MEI4: variants seen among roughly 807,000 people sequenced by gnomAD.
MEI4 encodes meiotic double-stranded break formation protein 4.
MEI4 carries 27 observed loss-of-function variants against 31.4 expected under a neutral mutation model. That is an observed-to-expected ratio of 0.86 (90% CI 0.63 to 1.19). The LOEUF (loss-of-function observed/expected upper bound fraction) is 1.19, where lower values mean the gene tolerates loss of function less well. Among genes scored for constraint, MEI4 ranks in the 50% most tolerant of loss-of-function variants. The probability of loss-of-function intolerance (pLI) is 0.00; values close to 1 mark genes in which losing one functional copy is unlikely to be tolerated. For synonymous variants in MEI4, 122 were observed against 145.4 expected (o/e 0.84, Z 1.16); for missense variants, 329 against 398.9 (o/e 0.82, Z 1.49).
chr6:77,775,804 G>T (rs970175558), intron 3 of MEI4, among the ~76,000 whole-genome samples: 3 of 152,030 alleles, frequency 2.0e-5, no homozygotes, highest in African/African-American at 7.2e-5. Context: ...ACTAGTTTCC[G>T]TTCCCACCAG....
chr6:77,767,155 G>A (rs1768196667), intron 3 of MEI4, among the ~76,000 whole-genome samples: 1 of 152,080 alleles, frequency 6.6e-6, no homozygotes, highest in Non-Finnish European at 1.5e-5. Context: ...GCCTAGGCAG[G>A]TGGATCATGA....
chr6:77,854,647 A>G (rs1295356190), intron 4 of MEI4, among the ~76,000 whole-genome samples: 1 of 152,164 alleles, frequency 6.6e-6, no homozygotes, highest in Non-Finnish European at 1.5e-5. Flanking sequence ...TGTAGACACC[A>G]TTTGTGTCTG....
chr6:77,905,988 T>C (rs1766288172), intron 4 of MEI4, among the ~76,000 whole-genome samples: 1 of 152,014 alleles, frequency 6.6e-6, no homozygotes, highest in Non-Finnish European at 1.5e-5. Flanking sequence ...ATTGAAAATA[T>C]TGTTTTTTAT....
chr6:77,920,315 T>C (rs1332010164), intron 4 of MEI4, among the ~76,000 whole-genome samples: 2 of 152,082 alleles, frequency 1.3e-5, no homozygotes, highest in African/African-American at 4.8e-5. Flanking sequence ...TCAAGTGGGC[T>C]TCATCCGTGG....
chr6:77,918,716 A>G (rs1165941711), intron 4 of MEI4, among the ~76,000 whole-genome samples: 1 of 151,928 alleles, frequency 6.6e-6, no homozygotes, highest in Non-Finnish European at 1.5e-5. Context: ...ATCTGCAAAC[A>G]GGGACAATTT....
intron 4 of MEI4, among the ~76,000 whole-genome samples, chr6:77,891,805 A>G (rs1771774629): frequency 6.6e-6 from 1 of 152,124 alleles, no homozygotes; most frequent in Non-Finnish European, 1.5e-5. Context: ...TGTATCTATA[A>G]TGTTGATTCA....
intron 4 of MEI4, among the ~76,000 whole-genome samples, chr6:77,832,177 T>C (rs1330701009): frequency 6.6e-6 from 1 of 152,038 alleles, no homozygotes; most frequent in Non-Finnish European, 1.5e-5. Flanking sequence ...AAAGTAAATA[T>C]AATTTTTCTC....
chr6:77,674,020 ATG>A (rs1562200823), intron 1 of MEI4, among the ~76,000 whole-genome samples: 1 of 152,196 alleles, frequency 6.6e-6, no homozygotes, highest in East Asian at 1.9e-4. Context: ...TCTTCTATAT[ATG>A]TGGAAGAAAG....
At chr6:77,684,896 T>A (rs1347944020) in intron 1 of MEI4, among the ~76,000 whole-genome samples, 1 of 152,154 alleles carries the variant, frequency 6.6e-6, no homozygotes, top group African/African-American at 2.4e-5. Flanking sequence ...ATATGGTAGC[T>A]CAATTTTTAG....
chr6:77,920,338 T>G lies in MEI4; in HGVS notation c.901-2751T>G, dbSNP rs1319298533. Among the ~76,000 whole-genome samples the G allele has an allele frequency of 3.9e-5, 6 of 152,032 alleles. No homozygotes were observed. In the East Asian group the frequency reaches 1.2e-3, roughly 29 times the overall value. On this transcript the variant is annotated intron_variant, in intron 4 of 4. Coordinates refer to ENST00000684080, the MANE Select transcript of MEI4 (RefSeq NM_001322247.2). ...GCTTCATCCGTGGGATGCAAGGCTG[T>G]TTCAATATACGCAAATCAATAAATG...
At chr6:77,825,578 T>A (rs1373923010) in intron 3 of MEI4, among the ~76,000 whole-genome samples, 1 of 152,232 alleles carries the variant, frequency 6.6e-6, no homozygotes, top group Non-Finnish European at 1.5e-5. Context: ...TTTGGATTCT[T>A]CTGGATATTA....
intron 3 of MEI4, among the ~76,000 whole-genome samples, chr6:77,821,887 TC>T (rs67091017): frequency 0.14 from 20,665 of 151,352 alleles, 1,501 homozygotes; most frequent in Middle Eastern, 0.21. Context: ...GCACATTAGA[TC>T]TTTACCAGTC....
At chr6:77,666,884 C>T (rs57931163) in intron 1 of MEI4, among the ~76,000 whole-genome samples, 12 of 96,870 alleles carry the variant, frequency 1.2e-4, no homozygotes, top group Admixed American at 3.9e-4. Context: ...TGTGTGTGTG[C>T]GTGCGTGCGT....
At chr6:77,743,441 A>G (rs1325556488) in intron 2 of MEI4, among the ~76,000 whole-genome samples, 1 of 152,134 alleles carries the variant, frequency 6.6e-6, no homozygotes, top group East Asian at 1.9e-4. Flanking sequence ...TTGGTGTATA[A>G]GAATGCTTGT....
chr6:77,811,959 C>T (rs1769583374), intron 3 of MEI4, among the ~76,000 whole-genome samples: 2 of 151,886 alleles, frequency 1.3e-5, no homozygotes, highest in South Asian at 2.1e-4. Flanking sequence ...TTCTAAAATC[C>T]TTTGTAGGCA....
At chr6:77,747,570 C>T (rs1469336947) in intron 2 of MEI4, among the ~76,000 whole-genome samples, 1 of 152,092 alleles carries the variant, frequency 6.6e-6, no homozygotes, top group Non-Finnish European at 1.5e-5. Flanking sequence ...GAAACCACCC[C>T]TATGATCCAG....
chr6:77,891,309 CAT>C (rs1771762000), intron 4 of MEI4, among the ~76,000 whole-genome samples: 2 of 152,248 alleles, frequency 1.3e-5, no homozygotes, highest in East Asian at 3.9e-4. Context: ...TCTCATATAT[CAT>C]ATATGCTTTC....
chr6:77,806,653 G>A (rs1388614597), intron 3 of MEI4, among the ~76,000 whole-genome samples: 3 of 152,266 alleles, frequency 2.0e-5, no homozygotes, highest in Admixed American at 2.0e-4. Flanking sequence ...GCATGGAGTT[G>A]TGCAGGAAAT....
chr6:77,663,209 A>G (rs891668919), intron 1 of MEI4, among the ~76,000 whole-genome samples: 62 of 152,342 alleles, frequency 4.1e-4, no homozygotes, highest in African/African-American at 1.4e-3. Flanking sequence ...GGGAATTGTA[A>G]GGAGAGTTTA....
Sources: allele counts gnomAD v4.1 joint callset (sites outside exome capture counted in the v4.1 genomes callset), GRCh38; gene constraint gnomAD v4.1.1; transcripts MANE v1.5; gene names NCBI Gene and HGNC (gene_info 2026-07-23, HGNC 2026-07-21).